SUGCT: variants seen among roughly 807,000 people sequenced by gnomAD.
SUGCT encodes succinyl-CoA:glutarate-CoA transferase.
Under a neutral mutation model 55.0 loss-of-function variants are expected in SUGCT, and 41 were observed. The observed-to-expected ratio is 0.74, with a 90% CI of 0.58 to 0.97. The LOEUF (loss-of-function observed/expected upper bound fraction) is 0.97, where lower values mean the gene tolerates loss of function less well. SUGCT is among the 50% of genes least tolerant of loss of function. The probability of loss-of-function intolerance (pLI) is 0.00; values close to 1 mark genes in which losing one functional copy is unlikely to be tolerated. For synonymous variants in SUGCT, 187 were observed against 200.4 expected, an observed-to-expected ratio of 0.93 and a Z score of 0.56; for missense variants, 568 against 547.8, an observed-to-expected ratio of 1.04 and a Z score of -0.37.
chr7:40,510,795 G>A (rs552986769), intron 12 of SUGCT, among the ~76,000 whole-genome samples: 2 of 152,258 alleles, frequency 1.3e-5, no homozygotes, highest in Non-Finnish European at 1.5e-5. Flanking sequence ...AATGTGAAAT[G>A]TAGAATTTCA....
chr7:40,218,881 G>T (rs867105569), intron 6 of SUGCT, among the ~76,000 whole-genome samples: 2 of 152,176 alleles, frequency 1.3e-5, no homozygotes, highest in Admixed American at 1.3e-4. Flanking sequence ...GCAGCATGTG[G>T]GTGGGGCCAA....
intron 12 of SUGCT, among the ~76,000 whole-genome samples, chr7:40,647,197 C>T (rs1800561599): frequency 6.6e-6 from 1 of 152,160 alleles, no homozygotes; most frequent in Non-Finnish European, 1.5e-5. Flanking sequence ...TATATCAAGG[C>T]ACTTGAAGGA....
rs76371448 is a variant in SUGCT, at chr7:40,358,439, G to A, written c.816+41584G>A. On this transcript the variant is annotated intron_variant, in intron 9 of 13. Transcript: ENST00000335693. Reference sequence around the variant, plus strand: ...TAAAAAGTTATTCAGAGGGCCGGGCGCAGTGGCTCATGCCTGTAATGCCAA... The same window carrying A: ...TAAAAAGTTATTCAGAGGGCCGGGCACAGTGGCTCATGCCTGTAATGCCAA... 1.6e-4 allele frequency among the ~76,000 whole-genome samples: 24 copies of A among 152,214 alleles called. No individual in the cohort carries two copies. The East Asian group carries it at 4.4e-3, about 28-fold the overall frequency.
chr7:40,793,979 T>C (rs577546994), intron 13 of SUGCT, among the ~76,000 whole-genome samples: 145 of 152,118 alleles, frequency 9.5e-4, no homozygotes, highest in Middle Eastern at 3.4e-3. Context: ...TTTACTTATT[T>C]CTAAAAGTTA....
chr7:40,452,834 C>A (rs1409739271), intron 10 of SUGCT, among the ~76,000 whole-genome samples: 2 of 152,142 alleles, frequency 1.3e-5, no homozygotes, highest in Admixed American at 1.3e-4. Context: ...TTCCCACTTA[C>A]CCCGAGCACG....
intron 8 of SUGCT, among the ~76,000 whole-genome samples, chr7:40,304,634 T>G (rs1445479385): frequency 6.6e-6 from 1 of 151,082 alleles, no homozygotes; most frequent in African/African-American, 2.4e-5. Context: ...ATCATTCTTA[T>G]GTCTTTGCAT....
At chr7:40,319,520 T>C (rs2151117286) in intron 9 of SUGCT, among the ~76,000 whole-genome samples, 1 of 152,344 alleles carries the variant, frequency 6.6e-6, no homozygotes, top group Middle Eastern at 3.4e-3. Context: ...TCACAGGAGT[T>C]ACTTGAGGTG....
intron 12 of SUGCT, among the ~76,000 whole-genome samples, chr7:40,726,773 GACTGCACA>G (rs1786634822): frequency 6.6e-6 from 1 of 152,196 alleles, no homozygotes; most frequent in Admixed American, 6.5e-5. Flanking sequence ...CACTGTACCT[GACTGCACA>G]GGTGCTGCTT....
At chr7:40,923,759 T>A in the SUGCT span, among the ~76,000 whole-genome samples, 1 of 152,212 alleles carries the variant, frequency 6.6e-6, no homozygotes, top group Non-Finnish European at 1.5e-5. Context: ...TCTCTGCTTT[T>A]CTAAATGAGT....
chr7:40,467,594 A>G (rs1476666122), intron 11 of SUGCT, among the ~76,000 whole-genome samples: 1 of 152,204 alleles, frequency 6.6e-6, no homozygotes, highest in African/African-American at 2.4e-5. Flanking sequence ...GGAAAATCAT[A>G]AACTTTACTT....
intron 13 of SUGCT, among the ~76,000 whole-genome samples, chr7:40,813,769 G>T (rs550696375): frequency 6.6e-6 from 1 of 152,164 alleles, no homozygotes; most frequent in South Asian, 2.1e-4. Context: ...GAAATTGTTA[G>T]TTGGTTGCTT....
chr7:40,324,261 A>ATATATATATATATATTTATT (rs377215730), intron 9 of SUGCT, among the ~76,000 whole-genome samples: 3,600 of 99,298 alleles, frequency 0.036, 169 homozygotes, highest in Middle Eastern at 0.058. Context: ...AAATATATAT[A>ATATATATATATATATTTATT]TATTTATTTT....
chr7:40,901,475 CCT>C, the SUGCT span, among the ~76,000 whole-genome samples: 1 of 151,668 alleles, frequency 6.6e-6, no homozygotes, highest in African/African-American at 2.4e-5. Flanking sequence ...GCAACCATCA[CCT>C]TAGTATACTA....
intron 7 of SUGCT, 58 bp from the exon 8 acceptor site, chr7:40,274,455 C>T (rs1406330134): frequency 6.4e-7 from 1 of 1,551,442 alleles, no homozygotes; most frequent in East Asian, 2.3e-5. Flanking sequence ...TTTGAGAAAT[C>T]ATATGATTCT....
the SUGCT span, among the ~76,000 whole-genome samples, chr7:40,953,443 CTT>C: frequency 6.6e-6 from 1 of 152,230 alleles, no homozygotes; most frequent in African/African-American, 2.4e-5. Context: ...AAGCCTTCTT[CTT>C]TCAACTCATC....
chr7:40,210,006 A>G (rs1448747661), intron 6 of SUGCT, among the ~76,000 whole-genome samples: 1 of 152,132 alleles, frequency 6.6e-6, no homozygotes, highest in Non-Finnish European at 1.5e-5. Flanking sequence ...AGATGCATCC[A>G]GAATCTGACA....
the SUGCT span, among the ~76,000 whole-genome samples, chr7:40,947,702 T>C: frequency 1.3e-5 from 2 of 152,218 alleles, no homozygotes. Flanking sequence ...GTCTATATTC[T>C]TTGTCATGTT....
At position 40,459,102 on chromosome 7, in the gene SUGCT, T is replaced by A; in HGVS notation, c.890T>A (p.Ile297Asn). Residue 297 changes from isoleucine (I) to asparagine (N), a missense_variant and splice_region_variant, in exon 11 of 14, where the codon ATC becomes AAC. By Grantham distance (149) the Ile-to-Asn change is moderately radical. Transcript: ENST00000335693. ...NNQQFATVCK[I>N]LDLPELIDNS... ...TGGAAAATTATTTTTTTCTTTTAGATCTTGGATTTGCCTGAGTTGATTGAT... is the reference window on the plus strand; with the variant it reads ...TGGAAAATTATTTTTTTCTTTTAGAACTTGGATTTGCCTGAGTTGATTGAT... The A allele has an allele frequency of 6.2e-7, 1 of 1,605,484 alleles. No homozygotes were observed. Among genetic ancestry groups the A allele is most frequent in the Non-Finnish European group, 8.5e-7 (1 of 1,173,530 alleles).
intron 9 of SUGCT, among the ~76,000 whole-genome samples, chr7:40,344,254 G>T (rs60765497): frequency 0.015 from 2,316 of 152,144 alleles, 50 homozygotes; most frequent in South Asian, 0.06. Flanking sequence ...TTATTTTATC[G>T]TGGTATTTTT....
Sources: gnomAD v4.1 joint callset for allele counts (sites outside exome capture counted in the v4.1 genomes callset) on GRCh38, gnomAD v4.1.1 for gene constraint, MANE v1.5 for transcripts, NCBI Gene and HGNC (gene_info 2026-07-23, HGNC 2026-07-21) for gene names.